MOXD1: variants seen among roughly 807,000 people sequenced by gnomAD.
The protein encoded by MOXD1 is DBH-like monooxygenase protein 1.
In MOXD1, 62 loss-of-function variants were observed where a neutral mutation model predicts 66.6. That is an observed-to-expected ratio of 0.93 (90% CI 0.76 to 1.15). MOXD1 has a LOEUF of 1.15. Among genes scored for constraint, MOXD1 ranks in the 50% most tolerant of loss-of-function variants. The pLI, the probability that MOXD1 is intolerant of heterozygous loss-of-function variation, is 0.00. For synonymous variants in MOXD1, 303 were observed against 281.9 expected, an observed-to-expected ratio of 1.07 and a Z score of -0.75; for missense variants, 847 against 754.6, an observed-to-expected ratio of 1.12 and a Z score of -1.44.
intron 7 of MOXD1, among the ~76,000 whole-genome samples, 184 bp from the exon 8 acceptor site, chr6:132,323,054 G>A (rs907516459): frequency 5.3e-5 from 8 of 152,272 alleles, no homozygotes; most frequent in Middle Eastern, 3.4e-3. Flanking sequence ...AACATTTGCC[G>A]GGAGAAAAGT....
At chr6:132,400,572 C>T (rs1207940078) in intron 1 of MOXD1, among the ~76,000 whole-genome samples, 2 of 152,052 alleles carry the variant, frequency 1.3e-5, no homozygotes, top group Non-Finnish European at 2.9e-5. Flanking sequence ...TGGGGACCTT[C>T]GATTTTGGTC....
intron 4 of MOXD1, among the ~76,000 whole-genome samples, chr6:132,340,206 A>G (rs936616841): frequency 5.9e-5 from 9 of 152,132 alleles, no homozygotes; most frequent in Non-Finnish European, 2.9e-5. Flanking sequence ...TTGAAATATC[A>G]TGAACCTCTA....
rs202102392 is a variant in MOXD1, at chr6:132,320,653, C to T, written c.1341G>A (p.Thr447=). The T allele has an allele frequency of 3.4e-5, 54 of 1,610,296 alleles. No individual in the cohort carries two copies. The highest frequency in any genetic ancestry group is 8.4e-5 in the Admixed American group (5 of 59,632). ...CCCAAGTCATCTCAGCTCTATCTTT[C>T]GTGTTGTAGCGACACTCAGTAATTA... ...DNLITECRYN[T]KDRAEMTWGG... The change falls in exon 9 of 12, where the codon ACG becomes ACA. Residue 447 remains threonine (T), a synonymous_variant. Coordinates refer to ENST00000367963, the MANE Select transcript of MOXD1 (RefSeq NM_015529.4).
intron 10 of MOXD1, among the ~76,000 whole-genome samples, chr6:132,310,710 G>T (rs1353317907): frequency 1.3e-5 from 2 of 152,120 alleles, no homozygotes; most frequent in African/African-American, 4.8e-5. Flanking sequence ...CATGGATGAA[G>T]ATGGAAGCCA....
intron 4 of MOXD1, among the ~76,000 whole-genome samples, chr6:132,364,420 T>A (rs1417092612): frequency 6.6e-6 from 1 of 152,190 alleles, no homozygotes. Flanking sequence ...GACGAGCCTA[T>A]TATGCAACAG....
intron 1 of MOXD1, among the ~76,000 whole-genome samples, chr6:132,385,123 T>C (rs1444521435): frequency 6.6e-6 from 1 of 152,186 alleles, no homozygotes; most frequent in Non-Finnish European, 1.5e-5. Context: ...TGGCTTCTAA[T>C]TTTTGACTGG....
chr6:132,365,609 G>A (rs188207889), intron 4 of MOXD1, among the ~76,000 whole-genome samples: 3 of 152,298 alleles, frequency 2.0e-5, no homozygotes, highest in Admixed American at 2.0e-4. Flanking sequence ...TAGTGACAGA[G>A]TTAGCAATAA....
intron 10 of MOXD1, among the ~76,000 whole-genome samples, chr6:132,311,094 C>G (rs1173099623): frequency 6.6e-6 from 1 of 152,074 alleles, no homozygotes; most frequent in East Asian, 1.9e-4. Context: ...GGAAAAATTC[C>G]TCCATTCGTC....
intron 10 of MOXD1, among the ~76,000 whole-genome samples, chr6:132,304,253 C>T (rs766316408): frequency 1.6e-4 from 24 of 152,016 alleles, no homozygotes; most frequent in Non-Finnish European, 2.8e-4. Context: ...CAAGAAGGTG[C>T]CATCTTGGAA....
chr6:132,330,860 G>C, intron 4 of MOXD1, among the ~76,000 whole-genome samples: 1 of 152,158 alleles, frequency 6.6e-6, no homozygotes, highest in South Asian at 2.1e-4. Context: ...GTGTCTGAAT[G>C]GGCAGCCAAG....
rs563110198 is a variant in MOXD1, at chr6:132,321,689, C to T, written c.1305+990G>A. Among the ~76,000 whole-genome samples, 7 of 152,170 alleles carry T rather than the reference C, an allele frequency of 4.6e-5. No homozygotes were observed. The South Asian group carries it at 8.3e-4, about 18-fold the overall frequency. On this transcript the variant is annotated intron_variant, in intron 8 of 11. Coordinates refer to ENST00000367963, the MANE Select transcript of MOXD1 (RefSeq NM_015529.4). Reference sequence around the variant, plus strand: ...TCGCACTTATGCCATAATCATGGTGCGTCAGTTAGGAAACTCTGAGATAAC... The same window carrying T: ...TCGCACTTATGCCATAATCATGGTGTGTCAGTTAGGAAACTCTGAGATAAC...
rs199829482 is a variant in MOXD1 at position 132,351,777 on chromosome 6, G to T, written c.663+20831C>A. On this transcript the variant is annotated intron_variant, in intron 4 of 11. Coordinates refer to ENST00000367963, the MANE Select transcript of MOXD1 (RefSeq NM_015529.4). ...TCTGGCCCCGGACTTTTTTATTGTT[G>T]GTAATTTTTTAATTATCCTTTCAAT... 4.6e-5 allele frequency among the ~76,000 whole-genome samples: 7 copies of T among 152,060 alleles called. No individual in the cohort carries two copies. In the East Asian group the frequency reaches 1.4e-3, roughly 29 times the overall value.
At chr6:132,368,364 GAGA>G (rs1448622204) in intron 4 of MOXD1, among the ~76,000 whole-genome samples, 4 of 152,042 alleles carry the variant, frequency 2.6e-5, no homozygotes, top group African/African-American at 9.7e-5. Flanking sequence ...GACCTCACAT[GAGA>G]AGTACAGTTT....
intron 10 of MOXD1, among the ~76,000 whole-genome samples, chr6:132,298,756 CA>C (rs555020879): frequency 6.9e-6 from 1 of 145,248 alleles, no homozygotes; most frequent in South Asian, 2.2e-4. Flanking sequence ...TATTAAAATG[CA>C]AAAAAAAACA....
intron 1 of MOXD1, 122 bp from the exon 2 acceptor site, chr6:132,374,899 AG>A (rs1396807791): frequency 2.0e-6 from 2 of 981,306 alleles, no homozygotes; most frequent in African/African-American, 3.3e-5. Flanking sequence ...GGAATTTCCA[AG>A]GGGCTGGAGT....
At chr6:132,310,703 G>A (rs1047913071) in intron 10 of MOXD1, among the ~76,000 whole-genome samples, 4 of 152,138 alleles carry the variant, frequency 2.6e-5, no homozygotes, top group African/African-American at 9.7e-5. Context: ...GAAGGGACAT[G>A]GATGAAGATG....
At chr6:132,372,374 C>A (rs1776279755) in intron 4 of MOXD1, among the ~76,000 whole-genome samples, 1 of 152,002 alleles carries the variant, frequency 6.6e-6, no homozygotes, top group Non-Finnish European at 1.5e-5. Flanking sequence ...CATGTGCATA[C>A]CAAAACTTGT....
At position 132,323,913 on chromosome 6, in the gene MOXD1, G is replaced by C. The variant is rs1479862756; in HGVS notation, c.1113+18C>G. ...TGATGAATCTGCAGAGAGCAGCTCAGACTCAGATGCTGCATACCTCTTCCA... is the reference window on the plus strand; with the variant it reads ...TGATGAATCTGCAGAGAGCAGCTCACACTCAGATGCTGCATACCTCTTCCA... On this transcript the variant is annotated intron_variant, in intron 7 of 11. Transcript: ENST00000367963. The C allele has an allele frequency of 6.3e-7, 1 of 1,581,888 alleles. No homozygotes were observed. The highest frequency in any genetic ancestry group is 8.6e-7 in the Non-Finnish European group (1 of 1,167,648).
At chr6:132,320,755 T>C (rs1768366050) in intron 8 of MOXD1, 67 bp from the exon 9 acceptor site, 3 of 1,302,888 alleles carry the variant, frequency 2.3e-6, no homozygotes, top group African/African-American at 1.5e-5. Flanking sequence ...AATACATTTG[T>C]ACGTCAACAG....
Sources: allele counts gnomAD v4.1 joint callset (sites outside exome capture counted in the v4.1 genomes callset), GRCh38; gene constraint gnomAD v4.1.1; transcripts MANE v1.5; gene names NCBI Gene and HGNC (gene_info 2026-07-23, HGNC 2026-07-21).